Variants in PTPN4 observed in about 807,000 individuals in gnomAD.
The protein encoded by PTPN4 is tyrosine-protein phosphatase non-receptor type 4.
A neutral mutation model predicts 135.5 loss-of-function variants in PTPN4; 49 were observed. The observed-to-expected ratio is 0.36, with a 90% CI of 0.29 to 0.46. PTPN4 has a LOEUF of 0.46. Among genes scored for constraint, PTPN4 ranks in the 20% least tolerant of loss-of-function variants. PTPN4 has a pLI of 1.00. For missense variants in PTPN4, 860 were observed against 1,101.0 expected, an observed-to-expected ratio of 0.78 and a Z score of 3.10; for synonymous variants, 333 against 369.9, an observed-to-expected ratio of 0.90 and a Z score of 1.14.
intron 2 of PTPN4, 78 bp from the exon 3 acceptor site, chr2:119,862,458 A>G: frequency 1.5e-6 from 2 of 1,370,382 alleles, no homozygotes; most frequent in Middle Eastern, 1.8e-4. Context: ...GATGAGGACA[A>G]AAGTCAACCA....
chr2:119,908,692 A>C (rs1678524511), intron 10 of PTPN4, among the ~76,000 whole-genome samples: 2 of 152,152 alleles, frequency 1.3e-5, no homozygotes, highest in African/African-American at 2.4e-5. Context: ...GAAGAGTTGC[A>C]CTTCTGTCAC....
At chr2:119,860,766 C>T (rs1225465140) in intron 2 of PTPN4, among the ~76,000 whole-genome samples, 6 of 152,058 alleles carry the variant, frequency 3.9e-5, no homozygotes, top group South Asian at 2.1e-4. Context: ...ATTGGCTAGG[C>T]GCGGTGGCTC....
chr2:119,930,138 T>G (rs974855884), intron 13 of PTPN4, among the ~76,000 whole-genome samples: 4 of 152,154 alleles, frequency 2.6e-5, no homozygotes, highest in African/African-American at 9.7e-5. Flanking sequence ...ATGAGTTGTC[T>G]TCAAATCAAA....
intron 14 of PTPN4, 89 bp from the exon 15 acceptor site, chr2:119,934,711 C>G (rs1022536118): frequency 1.8e-5 from 23 of 1,306,300 alleles, no homozygotes; most frequent in Non-Finnish European, 2.5e-5. Flanking sequence ...AAAACACATA[C>G]CCCCTTTCTG....
chr2:119,798,785 C>A (rs566216516), intron 1 of PTPN4, among the ~76,000 whole-genome samples: 57 of 152,268 alleles, frequency 3.7e-4, no homozygotes, highest in African/African-American at 1.1e-3. Flanking sequence ...CAGGTAGGTT[C>A]TCCAAATATA....
At chr2:119,782,227 G>A (rs766121272) in intron 1 of PTPN4, among the ~76,000 whole-genome samples, 6 of 151,994 alleles carry the variant, frequency 3.9e-5, no homozygotes, top group Non-Finnish European at 7.4e-5. Context: ...AACCAGCCTG[G>A]CCAACATGGT....
intron 2 of PTPN4, among the ~76,000 whole-genome samples, chr2:119,831,478 T>C (rs767428171): frequency 4.6e-5 from 7 of 152,358 alleles, no homozygotes; most frequent in East Asian, 3.9e-4. Context: ...CGTTGTCTTA[T>C]AGGTTCGTAG....
At chr2:119,935,548 C>G (rs1346089969) in intron 15 of PTPN4, among the ~76,000 whole-genome samples, 4 of 152,050 alleles carry the variant, frequency 2.6e-5, no homozygotes, top group African/African-American at 9.7e-5. Context: ...GCTATCAAAA[C>G]AAGTAGGAGT....
rs894494899 is a variant in PTPN4, at chr2:119,980,229, A to G, written c.*3159A>G. Reference sequence around the variant, plus strand: ...AGACAATTGCTGGAAGGTTTCAAATATGTGTACACACACATAGAGCTACTT... The same window carrying G: ...AGACAATTGCTGGAAGGTTTCAAATGTGTGTACACACACATAGAGCTACTT... On this transcript the variant is annotated 3_prime_UTR_variant, in exon 27 of 27. Transcript: ENST00000263708. 2.6e-5 allele frequency: 4 copies of G among 152,138 alleles called. No homozygotes were observed. Among genetic ancestry groups the G allele is most frequent in the African/African-American group, 9.6e-5 (4 of 41,458 alleles). The allele number at this position is 152,138 out of a possible 1,614,324, so 9.4% of individuals were successfully genotyped here.
intron 18 of PTPN4, among the ~76,000 whole-genome samples, chr2:119,950,073 G>A (rs1275310292): frequency 6.6e-6 from 1 of 152,178 alleles, no homozygotes; most frequent in Non-Finnish European, 1.5e-5. Context: ...AATGGATACA[G>A]TAAGAGATTC....
intron 2 of PTPN4, among the ~76,000 whole-genome samples, chr2:119,849,226 A>G (rs1245217498): frequency 1.3e-5 from 2 of 151,758 alleles, no homozygotes; most frequent in Non-Finnish European, 2.9e-5. Context: ...GTTACCTGCT[A>G]TTTTTCTTCT....
intron 5 of PTPN4, among the ~76,000 whole-genome samples, chr2:119,880,678 G>T (rs1471104512): frequency 1.3e-5 from 2 of 151,482 alleles, no homozygotes; most frequent in Non-Finnish European, 2.9e-5. Context: ...CTGACCTTGT[G>T]ATCTGCCCGC....
rs572382501 is a variant in PTPN4 at position 119,979,554 on chromosome 2, A to G, written c.*2484A>G. ...ATTTAAATTTAAATTATCCTTTACA[A>G]CTTCTTAAAATGAATATGCTAATAG... On this transcript the variant is annotated 3_prime_UTR_variant, in exon 27 of 27. Transcript: ENST00000263708. The G allele has an allele frequency of 6.6e-6, 1 of 152,248 alleles. No homozygotes were observed. Among genetic ancestry groups the G allele is most frequent in the African/African-American group, 2.4e-5 (1 of 41,574 alleles). 9.4% of individuals were successfully genotyped at this position (152,248 alleles called of 1,614,324 possible).
At chr2:119,938,162 CTG>C (rs1679012137) in intron 15 of PTPN4, among the ~76,000 whole-genome samples, 1 of 130,592 alleles carries the variant, frequency 7.7e-6, no homozygotes, top group African/African-American at 2.9e-5. Context: ...AAGTCTCACT[CTG>C]TCGCCCAGGC....
At chr2:119,903,999 A>G (rs1178954933) in intron 10 of PTPN4, among the ~76,000 whole-genome samples, 3 of 152,254 alleles carry the variant, frequency 2.0e-5, no homozygotes, top group African/African-American at 7.2e-5. Flanking sequence ...CTATAGGTAC[A>G]TCACAAGAAA....
Position 119,965,624 on chromosome 2 carries a change from A to C in PTPN4, c.2537A>C (p.Glu846Ala). The part of the protein sequence containing the change: ...HVRNKRAGKE[E>A]PVVVHCSAGI... ...CGAAACAAGAGGGCTGGCAAGGAAGAACCCGTTGTTGTCCATTGCAGGTAC... is the reference window on the plus strand; with the variant it reads ...CGAAACAAGAGGGCTGGCAAGGAAGCACCCGTTGTTGTCCATTGCAGGTAC... Residue 846 changes from glutamate to alanine, a missense_variant, in exon 25 of 27, where the codon GAA becomes GCA. Glu to Ala is a moderately radical substitution (Grantham distance 107, BLOSUM62 -1). Around this residue, in one of 2 missense-constraint regions of PTPN4, gnomAD observed 176 missense variants for 294.1 expected, o/e 0.60. Coordinates refer to ENST00000263708, the MANE Select transcript of PTPN4 (RefSeq NM_002830.4). 1 of 1,613,870 alleles carries C rather than the reference A, an allele frequency of 6.2e-7. No individual in the cohort carries two copies. The highest frequency in any genetic ancestry group is 8.5e-7 in the Non-Finnish European group (1 of 1,179,914).
chr2:119,941,337 A>C (rs1457556746), intron 15 of PTPN4, among the ~76,000 whole-genome samples: 1 of 152,074 alleles, frequency 6.6e-6, no homozygotes, highest in Non-Finnish European at 1.5e-5. Flanking sequence ...TAAAAAATGT[A>C]ATTGATAACC....
rs1409106850 is a variant in PTPN4, at chr2:119,984,656, T to C, written c.*7586T>C. On this transcript the variant is annotated 3_prime_UTR_variant, in exon 27 of 27. Coordinates refer to ENST00000263708, the MANE Select transcript of PTPN4 (RefSeq NM_002830.4). ...TTTGTCTTAATTTTAGTGAAAAAAT[T>C]AGAATTTCTGCCATTCATGTACAAA... Among the ~76,000 whole-genome samples, 4 of 152,184 alleles carry C rather than the reference T, an allele frequency of 2.6e-5. No homozygotes were observed. The highest frequency in any genetic ancestry group is 9.6e-5 in the African/African-American group (4 of 41,458).
At chr2:119,795,393 G>A (rs919377050) in intron 1 of PTPN4, among the ~76,000 whole-genome samples, 8 of 152,350 alleles carry the variant, frequency 5.3e-5, no homozygotes, top group East Asian at 1.9e-4. Context: ...GCCAAGGGGC[G>A]CCTGCAGGCC....
Sources: allele counts gnomAD v4.1 joint callset (sites outside exome capture counted in the v4.1 genomes callset), GRCh38; gene constraint gnomAD v4.1.1; regional missense constraint gnomAD v4.1.1; transcripts MANE v1.5; gene names NCBI Gene and HGNC (gene_info 2026-07-23, HGNC 2026-07-21).